The following TTC6 variants were observed in gnomAD, a reference collection of about 807,000 sequenced individuals.
TTC6 encodes tetratricopeptide repeat domain 6, also known as tetratricopeptide repeat protein 6.
Under a neutral mutation model 210.4 loss-of-function variants are expected in TTC6, and 172 were observed. The ratio of observed to expected loss-of-function variants is 0.82; its 90% CI spans 0.72 to 0.93. TTC6 has a LOEUF of 0.93. TTC6 is among the 40% of genes least tolerant of loss of function. The pLI is 0.00. For synonymous variants in TTC6, 804 were observed against 819.6 expected (o/e 0.98, Z 0.32); for missense variants, 2,414 against 2,318.1 (o/e 1.04, Z -0.85).
intron 8 of TTC6, among the ~76,000 whole-genome samples, chr14:37,737,182 TG>T (rs2095903992): frequency 2.0e-5 from 3 of 152,266 alleles, no homozygotes; most frequent in Admixed American, 6.5e-5. Context: ...AACACCAGTC[TG>T]GGTGTTATTA....
intron 2 of TTC6, among the ~76,000 whole-genome samples, chr14:37,615,786 A>C (rs2095641760): frequency 6.6e-6 from 1 of 151,918 alleles, no homozygotes; most frequent in Non-Finnish European, 1.5e-5. Flanking sequence ...AATCTCTAGC[A>C]TATTTTCCTT....
exon 5 of TTC6, chr14:37,701,337 C>A: frequency 2.2e-6 from 3 of 1,394,984 alleles, no homozygotes; most frequent in South Asian, 1.7e-5. Context: ...TGCAGAATTC[C>A]ACAAGACTAC....
intron 20 of TTC6, among the ~76,000 whole-genome samples, chr14:37,797,694 C>T (rs8011077): frequency 0.72 from 108,796 of 151,654 alleles, 40,923 homozygotes; most frequent in Non-Finnish European, 0.84. Context: ...GTCATCAGGG[C>T]GTCTTAAAAA....
At chr14:37,809,440 G>A (rs1378104571) in intron 24 of TTC6, among the ~76,000 whole-genome samples, 2 of 152,028 alleles carry the variant, frequency 1.3e-5, no homozygotes, top group Non-Finnish European at 2.9e-5. Flanking sequence ...TTTTAGTAGA[G>A]ACAGGGTTTC....
intron 14 of TTC6, among the ~76,000 whole-genome samples, chr14:37,775,001 A>G (rs2096032654): frequency 6.6e-6 from 1 of 151,992 alleles, no homozygotes; most frequent in Non-Finnish European, 1.5e-5. Flanking sequence ...CATTTCCTTT[A>G]TGTTTTCTAG....
chr14:37,799,798 T>C (rs1054143341), intron 20 of TTC6, among the ~76,000 whole-genome samples: 18 of 151,958 alleles, frequency 1.2e-4, no homozygotes, highest in African/African-American at 4.4e-4. Flanking sequence ...CAGAATGAGC[T>C]TAAAAGAAGA....
intron 1 of TTC6, among the ~76,000 whole-genome samples, chr14:37,602,537 A>G (rs1042202337): frequency 6.6e-6 from 1 of 152,052 alleles, no homozygotes; most frequent in Non-Finnish European, 1.5e-5. Flanking sequence ...CTGGGCTGCT[A>G]TCACTCGAGA....
At chr14:37,840,311 A>G (rs193033635) in intron 29 of TTC6, among the ~76,000 whole-genome samples, 1 of 152,350 alleles carries the variant, frequency 6.6e-6, no homozygotes, top group Non-Finnish European at 1.5e-5. Flanking sequence ...ATCTCTGAAT[A>G]GACCAATAAC....
intron 12 of TTC6, among the ~76,000 whole-genome samples, 158 bp downstream of exon 14, chr14:37,750,001 C>T (rs1407821387): frequency 4.6e-5 from 7 of 152,018 alleles, no homozygotes; most frequent in East Asian, 1.9e-4. Flanking sequence ...ATCCGGGGCT[C>T]GTACAATCCT....
intron 3 of TTC6, among the ~76,000 whole-genome samples, chr14:37,694,303 A>C (rs1310116477): frequency 3.3e-5 from 5 of 152,232 alleles, no homozygotes; most frequent in African/African-American, 1.2e-4. Flanking sequence ...AAAGATTTGA[A>C]TATACATTTC....
intron 1 of TTC6, among the ~76,000 whole-genome samples, chr14:37,605,798 T>C (rs1415718274): frequency 6.6e-6 from 1 of 152,146 alleles, no homozygotes; most frequent in East Asian, 1.9e-4. Context: ...CCAAGAAAAA[T>C]AAATCCTTAA....
At chr14:37,618,270 T>A (rs1240555432), upstream of TTC6, among the ~76,000 whole-genome samples, 1 of 152,234 alleles carries the variant, frequency 6.6e-6, no homozygotes, top group Admixed American at 6.5e-5. Flanking sequence ...TTCTGATGGC[T>A]GACCTGGTCT....
At chr14:37,684,156 G>A (rs1015980667) in intron 3 of TTC6, among the ~76,000 whole-genome samples, 6 of 152,078 alleles carry the variant, frequency 3.9e-5, no homozygotes, top group Admixed American at 2.0e-4. Flanking sequence ...TCCAAGGCTT[G>A]GAGTTTCCCA....
intron 15 of TTC6, among the ~76,000 whole-genome samples, chr14:37,789,460 A>G (rs560945257): frequency 6.6e-6 from 1 of 151,812 alleles, no homozygotes; most frequent in South Asian, 2.1e-4. Context: ...CATGCGCCAC[A>G]TAATGATGTT....
intron 13 of TTC6, among the ~76,000 whole-genome samples, chr14:37,752,173 G>A (rs79989071): frequency 0.013 from 2,028 of 151,988 alleles, 59 homozygotes; most frequent in African/African-American, 0.046. Flanking sequence ...ATATTCCCCT[G>A]ATTGCAGTAC....
At chr14:37,595,966 G>C (rs957187142) in exon 1 of TTC6, 1 of 152,272 alleles carries the variant, frequency 6.6e-6, no homozygotes, top group Non-Finnish European at 1.5e-5. Context: ...GGCTAGCAGA[G>C]CGGAGGCGCT....
At chr14:37,749,658 A>G (rs1180390597) in intron 11 of TTC6, 56 bp from the exon 14 acceptor site, 4 of 1,156,704 alleles carry the variant, frequency 3.5e-6, no homozygotes, top group African/African-American at 3.2e-5. Context: ...TTTATTTGAT[A>G]GGATATCCTC....
intron 6 of TTC6, among the ~76,000 whole-genome samples, chr14:37,721,228 T>C (rs2095861300): frequency 6.6e-6 from 1 of 152,176 alleles, no homozygotes; most frequent in South Asian, 2.1e-4. Context: ...TATGTTAAAA[T>C]CTATTGTTTT....
At chr14:37,759,288 A>G (rs2095977129) in intron 14 of TTC6, among the ~76,000 whole-genome samples, 1 of 151,978 alleles carries the variant, frequency 6.6e-6, no homozygotes, top group South Asian at 2.1e-4. Context: ...AAAAAAGAAA[A>G]AAAAGAAAGT....
Sources: gnomAD v4.1 joint callset for allele counts (sites outside exome capture counted in the v4.1 genomes callset) on GRCh38, gnomAD v4.1.1 for gene constraint, MANE v1.5 for transcripts, NCBI Gene and HGNC (gene_info 2026-07-23, HGNC 2026-07-21) for gene names.